PCLO: variants seen among roughly 807,000 people sequenced by gnomAD.
The protein encoded by PCLO is piccolo presynaptic cytomatrix protein.
In PCLO, 82 loss-of-function variants were observed where a neutral mutation model predicts 427.5. The ratio of observed to expected loss-of-function variants is 0.19; its 90% CI spans 0.16 to 0.23. The LOEUF (loss-of-function observed/expected upper bound fraction) is 0.23. Among genes scored for constraint, PCLO ranks in the 10% least tolerant of loss-of-function variants. The pLI is 1.00. For missense variants in PCLO, 6,239 were observed against 6,115.9 expected, an observed-to-expected ratio of 1.02 and a Z score of -0.67; for synonymous variants, 2,357 against 2,155.4, an observed-to-expected ratio of 1.09 and a Z score of -2.59.
intron 3 of PCLO, among the ~76,000 whole-genome samples, chr7:83,079,478 C>T (rs1790040880): frequency 6.6e-6 from 1 of 152,038 alleles, no homozygotes; most frequent in South Asian, 2.1e-4. Flanking sequence ...AAAAGAAAAA[C>T]TCTTCTTTCA....
At chr7:83,121,293 C>A (rs944242365) in intron 3 of PCLO, among the ~76,000 whole-genome samples, 5 of 152,030 alleles carry the variant, frequency 3.3e-5, no homozygotes, top group Non-Finnish European at 7.4e-5. Context: ...GTTGCTACTG[C>A]AACCAGAGTT....
chr7:82,949,324 C>T (rs1243781035), intron 6 of PCLO, among the ~76,000 whole-genome samples, 152 bp downstream of exon 6: 1 of 151,902 alleles, frequency 6.6e-6, no homozygotes, highest in African/African-American at 2.4e-5. Flanking sequence ...CACATATACA[C>T]ATATATAGTG....
intron 15 of PCLO, 145 bp downstream of exon 15, chr7:82,838,073 A>G: frequency 1.6e-6 from 1 of 627,380 alleles, no homozygotes; most frequent in Non-Finnish European, 2.7e-6. Flanking sequence ...TTATCTACTA[A>G]TTGGAAATAA....
intron 15 of PCLO, among the ~76,000 whole-genome samples, 176 bp from the exon 16 acceptor site, chr7:82,835,869 C>A (rs1792220502): frequency 6.6e-6 from 1 of 152,060 alleles, no homozygotes; most frequent in Admixed American, 6.6e-5. Flanking sequence ...GAAAATAATA[C>A]CTTGCAAGTG....
intron 20 of PCLO, among the ~76,000 whole-genome samples, chr7:82,814,028 A>G (rs1396092877): frequency 6.6e-6 from 1 of 151,792 alleles, no homozygotes; most frequent in Admixed American, 6.6e-5. Context: ...GTTTTTCTAT[A>G]AATGTTACTT....
At chr7:82,914,658 T>C in intron 7 of PCLO, 28 bp downstream of exon 7, 1 of 1,607,484 alleles carries the variant, frequency 6.2e-7, no homozygotes, top group Admixed American at 1.7e-5. Flanking sequence ...GTTTTGAGAG[T>C]AACAGGGTAG....
chr7:82,899,062 A>T (rs1793974351), intron 9 of PCLO, among the ~76,000 whole-genome samples: 1 of 151,458 alleles, frequency 6.6e-6, no homozygotes, highest in Non-Finnish European at 1.5e-5. Context: ...AATTAACATA[A>T]GCACTATCTC....
At chr7:83,125,246 G>A (rs1260307550) in intron 3 of PCLO, among the ~76,000 whole-genome samples, 2 of 151,748 alleles carry the variant, frequency 1.3e-5, no homozygotes, top group African/African-American at 2.4e-5. Context: ...GCCTCTGCCC[G>A]GCCGCCACCC....
chr7:83,088,054 C>A (rs534579912), intron 3 of PCLO, among the ~76,000 whole-genome samples: 60 of 152,214 alleles, frequency 3.9e-4, no homozygotes, highest in African/African-American at 1.4e-3. Context: ...TTTTACAAAT[C>A]GCTCCTTTTA....
chr7:82,990,014 T>A (rs1217655888), intron 3 of PCLO, among the ~76,000 whole-genome samples: 1 of 152,090 alleles, frequency 6.6e-6, no homozygotes, highest in Non-Finnish European at 1.5e-5. Context: ...TAGGATCAAG[T>A]AATGAGAGAG....
chr7:82,951,511 A>G (rs1562877553), intron 5 of PCLO, 21 bp from the exon 6 acceptor site: 1 of 1,469,854 alleles, frequency 6.8e-7, no homozygotes. Context: ...GGGCAGAGTT[A>G]TAGTCCAGTT....
intron 2 of PCLO, among the ~76,000 whole-genome samples, chr7:83,141,690 A>C (rs896481594): frequency 2.6e-5 from 4 of 152,228 alleles, no homozygotes; most frequent in African/African-American, 9.6e-5. Context: ...GAGGTGTCAA[A>C]TATAGTAATA....
chr7:83,022,438 T>C (rs1788368287), intron 3 of PCLO, among the ~76,000 whole-genome samples: 1 of 152,186 alleles, frequency 6.6e-6, no homozygotes, highest in South Asian at 2.1e-4. Flanking sequence ...TGGAAAATGA[T>C]GGCAATATTT....
rs1795310827 is a variant in PCLO, at chr7:82,950,414, T to G, written c.10174A>C (p.Ser3392Arg). The G allele has an allele frequency of 1.2e-6, 2 of 1,613,802 alleles. No individual in the cohort carries two copies. The highest frequency in any genetic ancestry group is 1.7e-6 in the Non-Finnish European group (2 of 1,179,830). ...GTTAGAGGTATTTCTGAAACAGTGC[T>G]CAGGATACCAGGTGGGGCAATGTAC... is the stretch of plus-strand genomic sequence containing the variant. ...TQYIAPPGIL[S>R]TVSEIPLTDV... Residue 3392 changes from serine (S) to arginine (R), a missense_variant, in exon 6 of 25, where the codon AGC (serine) becomes CGC (arginine). This residue lies in a region of PCLO where 4,677 missense variants were observed against 4,468.4 expected (regional missense o/e 1.05). Transcript: ENST00000333891.
intron 6 of PCLO, among the ~76,000 whole-genome samples, chr7:82,937,654 G>A (rs1794987707): frequency 2.0e-5 from 3 of 151,416 alleles, no homozygotes. Context: ...GAAATCAATA[G>A]TTTTTTCCCT....
intron 16 of PCLO, among the ~76,000 whole-genome samples, chr7:82,829,976 G>A (rs1476335004): frequency 1.3e-5 from 2 of 151,472 alleles, no homozygotes; most frequent in Admixed American, 6.6e-5. Flanking sequence ...AATATGGTAT[G>A]GTATAATGGT....
chr7:82,992,824 C>T (rs1796408226), intron 3 of PCLO, among the ~76,000 whole-genome samples: 1 of 143,592 alleles, frequency 7.0e-6, no homozygotes, highest in African/African-American at 2.7e-5. Flanking sequence ...ATTACTGCTA[C>T]TCTTTTAAAG....
At chr7:82,927,575 G>A (rs1240997515) in intron 6 of PCLO, among the ~76,000 whole-genome samples, 6 of 151,868 alleles carry the variant, frequency 4.0e-5, no homozygotes, top group African/African-American at 1.5e-4. Flanking sequence ...ATGATTATAC[G>A]GCATCCAAAT....
intron 3 of PCLO, among the ~76,000 whole-genome samples, chr7:83,004,030 T>C (rs1787887189): frequency 6.6e-6 from 1 of 151,800 alleles, no homozygotes; most frequent in Non-Finnish European, 1.5e-5. Context: ...TTTCCTCTTA[T>C]TTGTATGCTC....
Sources: allele counts gnomAD v4.1 joint callset (sites outside exome capture counted in the v4.1 genomes callset), GRCh38; gene constraint gnomAD v4.1.1; regional missense constraint gnomAD v4.1.1; transcripts MANE v1.5; gene names NCBI Gene and HGNC (gene_info 2026-07-23, HGNC 2026-07-21).